TRPM3: variants seen among roughly 807,000 people sequenced by gnomAD.
TRPM3 encodes long transient receptor potential channel 3.
Under a neutral mutation model 181.2 loss-of-function variants are expected in TRPM3, and 77 were observed. That is an observed-to-expected ratio of 0.42 (90% confidence interval 0.35 to 0.51). The LOEUF (loss-of-function observed/expected upper bound fraction) is 0.51, where lower values mean the gene tolerates loss of function less well. Among genes scored for constraint, TRPM3 ranks in the 20% least tolerant of loss-of-function variants. The pLI is 0.01. For synonymous variants in TRPM3, 745 were observed against 796.4 expected (o/e 0.94, Z 1.09); for missense variants, 1,759 against 2,196.7 (o/e 0.80, Z 3.98).
At chr9:71,201,397 T>C (rs530134841) in intron 1 of TRPM3, among the ~76,000 whole-genome samples, 2 of 152,310 alleles carry the variant, frequency 1.3e-5, no homozygotes, top group Admixed American at 6.5e-5. Context: ...GTTCTCTGTA[T>C]TTCCTGAATC....
chr9:70,998,454 C>T (rs145446763), intron 1 of TRPM3, among the ~76,000 whole-genome samples: 27 of 152,012 alleles, frequency 1.8e-4, no homozygotes, highest in African/African-American at 4.3e-4. Context: ...TTATGAACAC[C>T]CCCTGAGGGA....
At chr9:71,109,364 CA>C (rs1031798018) in intron 1 of TRPM3, among the ~76,000 whole-genome samples, 53 of 151,900 alleles carry the variant, frequency 3.5e-4, no homozygotes, top group African/African-American at 1.3e-3. Context: ...AGCAGTTGCA[CA>C]TAGATAACAT....
At chr9:71,041,741 T>C (rs1282138811) in intron 1 of TRPM3, among the ~76,000 whole-genome samples, 1 of 152,108 alleles carries the variant, frequency 6.6e-6, no homozygotes, top group Non-Finnish European at 1.5e-5. Flanking sequence ...CAGTTTCTTC[T>C]CCTTTGTCCT....
intron 25 of TRPM3, among the ~76,000 whole-genome samples, chr9:70,537,935 C>T (rs2042204604): frequency 6.6e-6 from 1 of 152,056 alleles, no homozygotes; most frequent in South Asian, 2.1e-4. Context: ...AATGAGTATT[C>T]CATGGATGGG....
At chr9:70,902,289 C>T (rs748226021) in intron 1 of TRPM3, among the ~76,000 whole-genome samples, 1 of 152,140 alleles carries the variant, frequency 6.6e-6, no homozygotes, top group Non-Finnish European at 1.5e-5. Context: ...GGGGCATGCC[C>T]CTTTATGTAT....
At chr9:71,159,972 C>T (rs1433319406) in intron 1 of TRPM3, among the ~76,000 whole-genome samples, 1 of 152,100 alleles carries the variant, frequency 6.6e-6, no homozygotes, top group African/African-American at 2.4e-5. Flanking sequence ...AGTCCTTAAA[C>T]CTTCTATCAG....
intron 1 of TRPM3, among the ~76,000 whole-genome samples, chr9:70,935,588 T>C (rs2096821475): frequency 1.3e-5 from 2 of 152,194 alleles, no homozygotes; most frequent in African/African-American, 4.8e-5. Flanking sequence ...TCTATGACCT[T>C]TTGGTATCTA....
At chr9:70,921,944 C>CACACACAG (rs1564766415) in intron 1 of TRPM3, among the ~76,000 whole-genome samples, 1 of 142,654 alleles carries the variant, frequency 7.0e-6, no homozygotes, top group African/African-American at 2.6e-5. Context: ...CACAAACAAA[C>CACACACAG]ACACACACAC....
chr9:70,784,068 T>G, intron 7 of TRPM3, 37 bp downstream of exon 7: 1 of 1,601,244 alleles, frequency 6.2e-7, no homozygotes. Flanking sequence ...CCAAACAGGC[T>G]TTAGGGTTCT....
intron 1 of TRPM3, among the ~76,000 whole-genome samples, chr9:70,917,882 G>A (rs939953290): frequency 6.6e-6 from 1 of 151,798 alleles, no homozygotes; most frequent in Non-Finnish European, 1.5e-5. Context: ...AAGATCGAAT[G>A]ATCTGTTGCC....
At chr9:70,692,501 T>G (rs1054020724) in intron 8 of TRPM3, among the ~76,000 whole-genome samples, 3 of 152,228 alleles carry the variant, frequency 2.0e-5, no homozygotes, top group Non-Finnish European at 4.4e-5. Flanking sequence ...AGATTTGCTG[T>G]GATGGCACTC....
intron 25 of TRPM3, among the ~76,000 whole-genome samples, chr9:70,548,123 T>C (rs1175319644): frequency 2.6e-5 from 4 of 152,192 alleles, no homozygotes; most frequent in Non-Finnish European, 5.9e-5. Flanking sequence ...GTCTGAGCAA[T>C]GGGTAATGTG....
At chr9:71,129,631 T>C (rs1271844429) in intron 1 of TRPM3, among the ~76,000 whole-genome samples, 1 of 152,196 alleles carries the variant, frequency 6.6e-6, no homozygotes, top group African/African-American at 2.4e-5. Flanking sequence ...AGGTCTATCT[T>C]ATTCTATAAC....
At chr9:71,051,781 A>T (rs2060087664) in intron 1 of TRPM3, among the ~76,000 whole-genome samples, 1 of 152,102 alleles carries the variant, frequency 6.6e-6, no homozygotes. Flanking sequence ...ATTTTACGCC[A>T]ATTAGTGTTG....
chr9:70,803,128 A>G (rs1305291277), intron 6 of TRPM3, among the ~76,000 whole-genome samples: 3 of 149,204 alleles, frequency 2.0e-5, no homozygotes, highest in Non-Finnish European at 4.5e-5. Flanking sequence ...ATGGGGGAGA[A>G]GTGGGAGCAG....
intron 1 of TRPM3, among the ~76,000 whole-genome samples, chr9:71,322,351 G>T (rs571972055): frequency 2.6e-5 from 4 of 152,100 alleles, no homozygotes; most frequent in Admixed American, 1.3e-4. Flanking sequence ...TCCAGACGAT[G>T]ATACCATAAA....
intron 1 of TRPM3, among the ~76,000 whole-genome samples, chr9:71,211,050 G>T (rs2079465671): frequency 1.3e-5 from 2 of 152,112 alleles, no homozygotes; most frequent in African/African-American, 4.8e-5. Context: ...TGAGGGTTAG[G>T]GCTTGAGCAT....
intron 1 of TRPM3, among the ~76,000 whole-genome samples, chr9:71,383,971 A>T (rs560297204): frequency 2.0e-5 from 3 of 152,300 alleles, no homozygotes; most frequent in African/African-American, 7.2e-5. Context: ...CAACAAGAAA[A>T]ATTCATCAAA....
At chr9:71,435,724 CATCCTA>C (rs1371718317) in intron 1 of TRPM3, among the ~76,000 whole-genome samples, 5 of 152,234 alleles carry the variant, frequency 3.3e-5, no homozygotes, top group African/African-American at 1.2e-4. Context: ...AGGAGGTTCA[CATCCTA>C]ATTTCCAGAA....
Sources: allele counts gnomAD v4.1 joint callset (sites outside exome capture counted in the v4.1 genomes callset), GRCh38; gene constraint gnomAD v4.1.1; transcripts MANE v1.5; gene names NCBI Gene and HGNC (gene_info 2026-07-23, HGNC 2026-07-21).